The following PKD2 variants were observed in gnomAD, a reference collection of about 807,000 sequenced individuals.
PKD2 encodes polycystin 2, transient receptor potential cation channel.
A neutral mutation model predicts 105.9 loss-of-function variants in PKD2; 48 were observed. That is an observed-to-expected ratio of 0.45 (90% confidence interval 0.36 to 0.58). The LOEUF is 0.58. PKD2 is among the 20% of genes least tolerant of loss of function. The pLI is 0.00. For missense variants in PKD2, 1,078 were observed against 1,255.3 expected (o/e 0.86, Z 2.13); for synonymous variants, 464 against 481.1 (o/e 0.96, Z 0.46).
In PKD2 at chr4:88,076,964, C is replaced by G. The variant is rs964906839; in HGVS notation, c.*1270C>G. On this transcript the variant is annotated 3_prime_UTR_variant, in exon 15 of 15. Transcript: ENST00000237596. ...AGTTCATACATTAGACAGTATCAGCCAAAATTTGAGTTAGCAACACTGTTT... is the reference window on the plus strand; with the variant it reads ...AGTTCATACATTAGACAGTATCAGCGAAAATTTGAGTTAGCAACACTGTTT... 1 of 151,916 alleles carries G rather than the reference C, an allele frequency of 6.6e-6. No homozygotes were observed. The highest frequency in any genetic ancestry group is 2.4e-5 in the African/African-American group (1 of 41,352). The allele number at this position is 151,916 out of a possible 1,614,324, so 9.4% of individuals were successfully genotyped here. A position where few individuals can be genotyped will look rare whatever the true frequency, so the allele number is the denominator to read the frequency against.
At chr4:88,042,493 C>T (rs1312445213) in intron 4 of PKD2, among the ~76,000 whole-genome samples, 1 of 152,096 alleles carries the variant, frequency 6.6e-6, no homozygotes, top group African/African-American at 2.4e-5. Flanking sequence ...CCCATATGAC[C>T]ATTCACCTGT....
At position 88,061,993 on chromosome 4, in the gene PKD2, CT is replaced by C; in HGVS notation, c.2109del (p.Ile704SerfsTer12). On this transcript the variant is annotated frameshift_variant, in exon 10 of 15. Coordinates refer to ENST00000237596, the MANE Select transcript of PKD2 (RefSeq NM_000297.4). LOFTEE classifies it high-confidence loss of function. ...QQKAEMELSD[L>X]IRKGYHKALV... The stretch of plus-strand genomic sequence containing the variant: ...GAAAGCTGAAATGGAACTCTCAGAT[CT>C]TATCAGAAAGGTAGGAAAAACCTTA... 1 of 1,509,466 alleles carries C rather than the reference CT, an allele frequency of 6.6e-7. No homozygotes were observed. The highest frequency in any genetic ancestry group is 1.4e-5 in the African/African-American group (1 of 73,038). 93.5% of individuals were successfully genotyped at this position (1,509,466 alleles called of 1,614,324 possible).
At position 88,008,120 on chromosome 4, in the gene PKD2, G is replaced by T; in HGVS notation, c.387G>T (p.Ser129=). 8 of 1,503,508 alleles carry T rather than the reference G, an allele frequency of 5.3e-6. No individual in the cohort carries two copies. Among genetic ancestry groups the T allele is most frequent in the Non-Finnish European group, 7.1e-6 (8 of 1,131,090 alleles). 93.1% of individuals were successfully genotyped at this position (1,503,508 alleles called of 1,614,324 possible). Residue 129 remains serine, a synonymous_variant, in exon 1 of 15, where the codon TCG becomes TCT. Transcript: ENST00000237596. ...GCAGCCGGAGGTCGGCCGCCTCCTC[G>T]GCCGTGAGCTCCGTGGGCGCGCGGA... ...RPGSRRSAAS[S]AVSSVGARSR...
chr4:88,025,613 C>CAA (rs35551347), intron 2 of PKD2, among the ~76,000 whole-genome samples: 3 of 98,768 alleles, frequency 3.0e-5, no homozygotes, highest in Admixed American at 1.1e-4. Context: ...GACCCTGTCT[C>CAA]AAAAAAAAAA....
chr4:88,069,721 A>G (rs567463018), intron 13 of PKD2, among the ~76,000 whole-genome samples: 6 of 152,266 alleles, frequency 3.9e-5, no homozygotes, highest in South Asian at 2.1e-4. Flanking sequence ...GAGAAGAGGA[A>G]GTATATATTT....
At chr4:88,026,717 G>A (rs4312723) in intron 2 of PKD2, among the ~76,000 whole-genome samples, 60,479 of 152,060 alleles carry the variant, frequency 0.4, 12,754 homozygotes, top group African/African-American at 0.54. Flanking sequence ...CACAACACAA[G>A]CCTGGAGGCC....
rs541920116 is a variant in PKD2, at chr4:88,070,500, T to A, written c.2522+2439T>A. Among the ~76,000 whole-genome samples, 39 of 151,168 alleles carry A rather than the reference T, an allele frequency of 2.6e-4. No individual in the cohort carries two copies. In the South Asian group the frequency reaches 4.0e-3, roughly 15 times the overall value. ...TGTATTGATGTATCTTCAAGTTCAC[T>A]GACTTGTTCTTCTGTCAGCTTGCTT... On this transcript the variant is annotated intron_variant, in intron 13 of 14. Coordinates refer to ENST00000237596, the MANE Select transcript of PKD2 (RefSeq NM_000297.4).
chr4:88,017,080 T>A (rs1726585214), intron 1 of PKD2, among the ~76,000 whole-genome samples: 1 of 151,894 alleles, frequency 6.6e-6, no homozygotes, highest in African/African-American at 2.4e-5. Context: ...TCCCAGCACT[T>A]TGGGAGGCTG....
At chr4:88,024,456 CGA>C (rs1491138082) in intron 2 of PKD2, among the ~76,000 whole-genome samples, 7 of 42,912 alleles carry the variant, frequency 1.6e-4, no homozygotes, top group African/African-American at 8.0e-4. Context: ...CACTCTGTCT[CGA>C]AAAAAAAAAA....
At chr4:88,057,486 A>G (rs1720401443) in intron 8 of PKD2, among the ~76,000 whole-genome samples, 1 of 146,852 alleles carries the variant, frequency 6.8e-6, no homozygotes, top group East Asian at 2.0e-4. Context: ...CCCAAGCTAG[A>G]GTGCAGCGGT....
At chr4:88,042,545 C>T (rs1486695091) in intron 4 of PKD2, among the ~76,000 whole-genome samples, 1 of 152,204 alleles carries the variant, frequency 6.6e-6, no homozygotes, top group Non-Finnish European at 1.5e-5. Flanking sequence ...TCAGGTCCAA[C>T]ACAGCTTCTT....
chr4:88,052,460 A>C (rs1365740040), intron 7 of PKD2, among the ~76,000 whole-genome samples: 1 of 152,048 alleles, frequency 6.6e-6, no homozygotes, highest in African/African-American at 2.4e-5. Flanking sequence ...CGTAGAGACA[A>C]GGTCTCATTA....
intron 10 of PKD2, 125 bp from the exon 11 acceptor site, chr4:88,065,249 C>A: frequency 1.2e-6 from 1 of 814,444 alleles, no homozygotes; most frequent in Non-Finnish European, 2.2e-6. Context: ...ATTCATCCAG[C>A]ACGTACTTGT....
chr4:88,026,232 A>G (rs62310568), intron 2 of PKD2, among the ~76,000 whole-genome samples: 75 of 152,328 alleles, frequency 4.9e-4, no homozygotes, highest in Non-Finnish European at 1.0e-3. Context: ...AGTGATATGG[A>G]CAATGAAGTC....
At chr4:88,073,377 T>G (rs1004719275) in intron 13 of PKD2, among the ~76,000 whole-genome samples, 1 of 149,554 alleles carries the variant, frequency 6.7e-6, no homozygotes, top group Non-Finnish European at 1.5e-5. Context: ...AATAGAAAAA[T>G]TATCTGGGCA....
chr4:88,036,485 G>A, intron 3 of PKD2, 132 bp downstream of exon 3: 1 of 1,476,444 alleles, frequency 6.8e-7, no homozygotes, highest in South Asian at 1.2e-5. Context: ...GTTATGGTGA[G>A]TTGTTAGAAG....
chr4:88,041,188 C>T (rs1426287481), intron 4 of PKD2, among the ~76,000 whole-genome samples: 2 of 152,166 alleles, frequency 1.3e-5, no homozygotes, highest in African/African-American at 2.4e-5. Context: ...AAAGAGACTC[C>T]AGAGTCATTT....
chr4:88,020,229 A>T (rs1726701222), intron 2 of PKD2, among the ~76,000 whole-genome samples: 1 of 152,232 alleles, frequency 6.6e-6, no homozygotes, highest in African/African-American at 2.4e-5. Flanking sequence ...CAGAAAAATG[A>T]CTTTCCAAAT....
At position 88,016,717 on chromosome 4, in the gene PKD2, T is replaced by C. The variant is rs138765302; in HGVS notation, c.596-2741T>C. Among the ~76,000 whole-genome samples the C allele has an allele frequency of 5.4e-3, 825 of 152,136 alleles. 6 individuals are homozygous for C. Among genetic ancestry groups the C allele is most frequent in the African/African-American group, 0.019 (786 of 41,488 alleles). On this transcript the variant is annotated intron_variant, in intron 1 of 14. Coordinates refer to ENST00000237596, the MANE Select transcript of PKD2 (RefSeq NM_000297.4). ...GGCTCACATCTGTAATCCCAGCACT[T>C]TGAGAGGCCAAGGTGAGAGGATTGC... is the stretch of plus-strand genomic sequence containing the variant.
Sources: gnomAD v4.1 joint callset for allele counts (sites outside exome capture counted in the v4.1 genomes callset) on GRCh38, gnomAD v4.1.1 for gene constraint, MANE v1.5 for transcripts, NCBI Gene and HGNC (gene_info 2026-07-23, HGNC 2026-07-21) for gene names.